Variants in UBTD2 observed in about 807,000 individuals in gnomAD.
The protein encoded by UBTD2 is ubiquitin domain-containing protein 2.
A neutral mutation model predicts 19.8 loss-of-function variants in UBTD2; 9 were observed. The ratio of observed to expected loss-of-function variants is 0.46; its 90% CI spans 0.27 to 0.79. The LOEUF (loss-of-function observed/expected upper bound fraction) is 0.79. Ranked by LOEUF, UBTD2 falls within the 30% of genes least tolerant of loss-of-function variation. UBTD2 has a pLI of 0.14. For synonymous variants in UBTD2, 98 were observed against 103.9 expected (o/e 0.94, Z 0.35); for missense variants, 250 against 300.4 (o/e 0.83, Z 1.24).
At position 172,212,214 on chromosome 5, in the gene UBTD2, C is replaced by G. The variant is rs1771466495; in HGVS notation, c.321G>C (p.Glu107Asp). 6.2e-7 allele frequency: 1 copy of G among 1,600,080 alleles called. No homozygotes were observed. Among genetic ancestry groups the G allele is most frequent in the Admixed American group, 1.7e-5 (1 of 58,956 alleles). Residue 107 changes from glutamate to aspartate, a missense_variant, in exon 3 of 3, where the codon GAG (glutamate) becomes GAC (aspartate). By Grantham distance (45) the Glu-to-Asp change is conservative (BLOSUM62 2). Transcript: ENST00000393792. ...NITLPHGALT[E>D]CYDELGNRYQ... is the part of the protein sequence containing the mutation. ...ATCTGTTCCCCAGTTCATCGTAGCA[C>G]TCTGTAAGTGCACCTTCAGAAAGAG...
At chr5:172,272,546 T>A (rs934581243) in intron 1 of UBTD2, among the ~76,000 whole-genome samples, 1 of 152,196 alleles carries the variant, frequency 6.6e-6, no homozygotes, top group African/African-American at 2.4e-5. Flanking sequence ...GTTAATTTGA[T>A]TATGTTGCTT....
chr5:172,218,806 A>T (rs536401918), intron 2 of UBTD2, among the ~76,000 whole-genome samples: 5,061 of 99,262 alleles, frequency 0.051, 281 homozygotes, highest in African/African-American at 0.17. Context: ...AATAAAAAAA[A>T]AAATAAAAAA....
intron 2 of UBTD2, among the ~76,000 whole-genome samples, chr5:172,228,980 G>C (rs968217327): frequency 2.6e-5 from 4 of 152,002 alleles, no homozygotes; most frequent in African/African-American, 9.7e-5. Flanking sequence ...TGTGAAAAGA[G>C]AAATAAAAAA....
At chr5:172,218,077 G>C (rs975487075) in intron 2 of UBTD2, among the ~76,000 whole-genome samples, 1 of 152,112 alleles carries the variant, frequency 6.6e-6, no homozygotes, top group Non-Finnish European at 1.5e-5. Flanking sequence ...TTTACCAAGA[G>C]AGACCACATT....
intron 2 of UBTD2, among the ~76,000 whole-genome samples, chr5:172,224,720 C>A (rs1771727317): frequency 6.6e-6 from 1 of 152,178 alleles, no homozygotes; most frequent in African/African-American, 2.4e-5. Flanking sequence ...TTTCCTAAGG[C>A]CCCCTCAGCC....
intron 1 of UBTD2, among the ~76,000 whole-genome samples, chr5:172,263,849 C>CTGTGTGTGTGTGTGTGTGTG (rs1234224827): frequency 3.2e-4 from 11 of 34,150 alleles, no homozygotes; most frequent in African/African-American, 2.7e-3. Context: ...ATGCACGTGC[C>CTGTGTGTGTGTGTGTGTGTG]TCTGTGTGTG....
intron 2 of UBTD2, among the ~76,000 whole-genome samples, chr5:172,229,370 G>A (rs564068443): frequency 2.0e-5 from 3 of 151,852 alleles, no homozygotes; most frequent in Admixed American, 6.6e-5. Flanking sequence ...GCATGGTGGC[G>A]GGCACCTGTA....
chr5:172,229,608 T>C (rs1206127787), intron 2 of UBTD2, among the ~76,000 whole-genome samples: 1 of 152,012 alleles, frequency 6.6e-6, no homozygotes, highest in African/African-American at 2.4e-5. Context: ...ATGAGATAAT[T>C]GTAGATGCTA....
chr5:172,220,527 C>T (rs1482076332), intron 2 of UBTD2, among the ~76,000 whole-genome samples: 2 of 152,002 alleles, frequency 1.3e-5, no homozygotes, highest in African/African-American at 4.8e-5. Context: ...CCCAGCTATT[C>T]GGGAAGTTGA....
Position 172,274,180 on chromosome 5 carries a change from G to A in UBTD2, c.70+9416C>T, listed in dbSNP as rs550298625. Among the ~76,000 whole-genome samples, 14 of 134,898 alleles carry A rather than the reference G, an allele frequency of 1.0e-4. 1 individual carries two copies. Among genetic ancestry groups the A allele is most frequent in the East Asian group, 4.3e-4 (2 of 4,662 alleles). The allele number at this position is 134,898 out of a possible 152,430, so 88.5% of individuals were successfully genotyped here. ...TTTTGAGACGGAGCCTCGCTGTGTC[G>A]CCAGGCTTGGAGTGCAGTGGCACAA... On this transcript the variant is annotated intron_variant, in intron 1 of 2. Coordinates refer to ENST00000393792, the MANE Select transcript of UBTD2 (RefSeq NM_152277.3).
At chr5:172,278,087 G>A (rs1048478859) in intron 1 of UBTD2, among the ~76,000 whole-genome samples, 2 of 152,142 alleles carry the variant, frequency 1.3e-5, no homozygotes, top group African/African-American at 4.8e-5. Flanking sequence ...GTAAGAATAA[G>A]TGGTAGAAAA....
intron 2 of UBTD2, among the ~76,000 whole-genome samples, chr5:172,217,808 G>A (rs1291199620): frequency 5.9e-5 from 9 of 152,244 alleles, no homozygotes; most frequent in Admixed American, 3.9e-4. Context: ...AATGTTTAAT[G>A]GGTATGCACC....
chr5:172,269,284 G>A (rs1350500350), intron 1 of UBTD2, among the ~76,000 whole-genome samples: 4 of 151,724 alleles, frequency 2.6e-5, no homozygotes, highest in East Asian at 1.9e-4. Flanking sequence ...AAGGTTAGGA[G>A]TTGGAGACCA....
chr5:172,250,310 A>T (rs1284656164), intron 1 of UBTD2, among the ~76,000 whole-genome samples: 1 of 152,220 alleles, frequency 6.6e-6, no homozygotes, highest in Non-Finnish European at 1.5e-5. Flanking sequence ...CATTAGGAAA[A>T]ATAGTTAACT....
chr5:172,282,893 T>A (rs1755747097), intron 1 of UBTD2, among the ~76,000 whole-genome samples: 1 of 152,152 alleles, frequency 6.6e-6, no homozygotes, highest in South Asian at 2.1e-4. Context: ...TGTACTTTTA[T>A]CCTACATATT....
chr5:172,280,037 G>A (rs1408917983), intron 1 of UBTD2, among the ~76,000 whole-genome samples: 1 of 152,128 alleles, frequency 6.6e-6, no homozygotes, highest in Non-Finnish European at 1.5e-5. Context: ...GGAGGGCGGA[G>A]TTTGCAGTGA....
intron 1 of UBTD2, among the ~76,000 whole-genome samples, chr5:172,278,968 G>T (rs1755661366): frequency 6.6e-6 from 1 of 152,062 alleles, no homozygotes; most frequent in Non-Finnish European, 1.5e-5. Flanking sequence ...AGTAGAGATG[G>T]GGTTTCTCCA....
chr5:172,231,656 T>C (rs1345514924), intron 2 of UBTD2, among the ~76,000 whole-genome samples: 2 of 152,084 alleles, frequency 1.3e-5, no homozygotes, highest in African/African-American at 4.8e-5. Flanking sequence ...TAATTATAAG[T>C]ACAAAATAAG....
At chr5:172,260,326 G>T (rs1241307272) in intron 1 of UBTD2, among the ~76,000 whole-genome samples, 1 of 149,062 alleles carries the variant, frequency 6.7e-6, no homozygotes, top group African/African-American at 2.6e-5. Flanking sequence ...CTCCCTCTTC[G>T]AGCAATTATG....
Sources: allele counts gnomAD v4.1 joint callset (sites outside exome capture counted in the v4.1 genomes callset), GRCh38; gene constraint gnomAD v4.1.1; transcripts MANE v1.5; gene names NCBI Gene and HGNC (gene_info 2026-07-23, HGNC 2026-07-21).